Variants in ZMAT5 observed in about 807,000 individuals in gnomAD.
ZMAT5 encodes zinc finger matrin-type 5.
A neutral mutation model predicts 28.0 loss-of-function variants in ZMAT5; 23 were observed. The ratio of observed to expected loss-of-function variants is 0.82; its 90% CI spans 0.59 to 1.16. The LOEUF (loss-of-function observed/expected upper bound fraction) is 1.16. Ranked by LOEUF, ZMAT5 falls within the 50% of genes most tolerant of loss-of-function variation. ZMAT5 has a pLI of 0.00. For synonymous variants in ZMAT5, 76 were observed against 84.1 expected (o/e 0.90, Z 0.52); for missense variants, 173 against 212.7 (o/e 0.81, Z 1.16).
At chr22:29,747,568 C>T (rs990413071) in intron 2 of ZMAT5, 3 of 152,642 alleles carry the variant, frequency 2.0e-5, no homozygotes, top group African/African-American at 4.8e-5. Flanking sequence ...CCCACCCTCG[C>T]CCCACCGCCA....
In ZMAT5 at chr22:29,738,459, C is replaced by T; in HGVS notation, c.272-18G>A. On this transcript the variant is annotated intron_variant, in intron 4 of 5. Transcript: ENST00000344318. ...CCTCTCCTCTGTGGGGACAGGGAGACAAAGGCAAGTGAGGGGTACACTCCT... is the reference window on the plus strand; with the variant it reads ...CCTCTCCTCTGTGGGGACAGGGAGATAAAGGCAAGTGAGGGGTACACTCCT... 2 of 1,603,518 alleles carry T rather than the reference C, an allele frequency of 1.2e-6. No individual in the cohort carries two copies. Among genetic ancestry groups the T allele is most frequent in the Non-Finnish European group, 1.7e-6 (2 of 1,175,570 alleles).
chr22:29,766,676 C>T (rs1030171683), intron 1 of ZMAT5, among the ~76,000 whole-genome samples, 196 bp downstream of exon 1: 5 of 152,220 alleles, frequency 3.3e-5, no homozygotes, highest in African/African-American at 1.2e-4. Flanking sequence ...TCCGTCCCTG[C>T]CCTTAATCCA....
chr22:29,749,518 G>A (rs961032509), intron 1 of ZMAT5, among the ~76,000 whole-genome samples: 5 of 152,040 alleles, frequency 3.3e-5, no homozygotes, highest in Non-Finnish European at 5.9e-5. Context: ...GCAAACTCCC[G>A]CCTCACTTCC....
In ZMAT5 at chr22:29,731,017, A is replaced by AG. The variant is rs1204578854; in HGVS notation, c.*207dup. 3 of 450,434 alleles carry AG rather than the reference A, an allele frequency of 6.7e-6. No individual in the cohort carries two copies. The highest frequency in any genetic ancestry group is 2.0e-5 in the African/African-American group (1 of 49,486). The allele number at this position is 450,434 out of a possible 1,614,324, so 27.9% of individuals were successfully genotyped here. On this transcript the variant is annotated 3_prime_UTR_variant, in exon 6 of 6. Coordinates refer to ENST00000344318, the MANE Select transcript of ZMAT5 (RefSeq NM_001003692.2). ...TTTCTCCCCCATCTTCTTAAGAAGC[A>AG]GGGGGGCAGGTGGAGGAGAGTGAGG... is the stretch of plus-strand genomic sequence containing the variant.
At chr22:29,758,544 G>T (rs1346404285) in intron 1 of ZMAT5, among the ~76,000 whole-genome samples, 3 of 151,820 alleles carry the variant, frequency 2.0e-5, no homozygotes, top group Non-Finnish European at 4.4e-5. Flanking sequence ...GATCGCTTGA[G>T]CCCAGGAGAT....
chr22:29,746,902 G>C (rs1221830278), intron 2 of ZMAT5: 1 of 152,050 alleles, frequency 6.6e-6, no homozygotes, highest in Non-Finnish European at 1.5e-5. Context: ...GTAACACCAG[G>C]GTTAGAGTCT....
At chr22:29,755,968 C>A (rs775444730) in intron 1 of ZMAT5, among the ~76,000 whole-genome samples, 1 of 152,262 alleles carries the variant, frequency 6.6e-6, no homozygotes, top group African/African-American at 2.4e-5. Context: ...GAGGCTGCTA[C>A]AGGGCAAACA....
chr22:29,766,214 G>A (rs955425271), intron 1 of ZMAT5, among the ~76,000 whole-genome samples: 6 of 152,120 alleles, frequency 3.9e-5, no homozygotes, highest in African/African-American at 1.4e-4. Context: ...TGAGCTGACC[G>A]GAGTCAACCT....
intron 2 of ZMAT5, 21 bp downstream of exon 2, chr22:29,748,397 C>A (rs376822838): frequency 7.9e-5 from 127 of 1,613,892 alleles, no homozygotes; most frequent in Non-Finnish European, 1.0e-4. Context: ...AGGAGCCTGG[C>A]CCCCAGCCAG....
chr22:29,734,348 G>T (rs905386678), intron 5 of ZMAT5, among the ~76,000 whole-genome samples: 12 of 152,266 alleles, frequency 7.9e-5, no homozygotes, highest in African/African-American at 2.9e-4. Context: ...GCCAGCGGAG[G>T]TTGGAGCCCG....
intron 1 of ZMAT5, among the ~76,000 whole-genome samples, chr22:29,756,804 T>C (rs904004513): frequency 2.6e-5 from 4 of 151,968 alleles, no homozygotes; most frequent in African/African-American, 4.8e-5. Context: ...TCCCAGCACT[T>C]TGGGAGGCTG....
chr22:29,753,104 G>T (rs771538578), intron 1 of ZMAT5, among the ~76,000 whole-genome samples: 1 of 152,154 alleles, frequency 6.6e-6, no homozygotes, highest in African/African-American at 2.4e-5. Context: ...GCTGTCCGGG[G>T]ACAGAGTTAA....
chr22:29,760,441 A>G (rs131281), intron 1 of ZMAT5, among the ~76,000 whole-genome samples: 62,870 of 150,872 alleles, frequency 0.42, 13,735 homozygotes, highest in East Asian at 0.6. Flanking sequence ...TTACTTGGGA[A>G]GCTGAGGCAC....
intron 1 of ZMAT5, among the ~76,000 whole-genome samples, chr22:29,751,717 A>G (rs772211031): frequency 1.3e-5 from 2 of 152,164 alleles, no homozygotes; most frequent in Non-Finnish European, 2.9e-5. Context: ...CCTTAATCCC[A>G]GCATTTTGGG....
Position 29,748,215 on chromosome 22 carries a change from C to T in ZMAT5, c.127+203G>A, listed in dbSNP as rs867653224. 233 of 688,694 alleles carry T rather than the reference C, an allele frequency of 3.4e-4. 1 individual carries two copies. The Middle Eastern group carries it at 4.5e-3, about 13-fold the overall frequency. 42.7% of individuals were successfully genotyped at this position (688,694 alleles called of 1,614,324 possible). ...CTCCTTCTAGGGCCTTCCTCCTGTC[C>T]ACAGAGCCTTCAGTCAGCGTTGTTG... On this transcript the variant is annotated intron_variant, in intron 2 of 5. Coordinates refer to ENST00000344318, the MANE Select transcript of ZMAT5 (RefSeq NM_001003692.2).
chr22:29,766,888 A>C lies in ZMAT5; in HGVS notation c.-44T>G, dbSNP rs760681203. On this transcript the variant is annotated 5_prime_UTR_variant, in exon 1 of 6. Transcript: ENST00000344318. ...CGTACGCACAGAGAAGGAAGTGTTC[A>C]AGTCTTCCAGTGCGGAGAAAAGAGA... is the stretch of plus-strand genomic sequence containing the variant. 1 of 154,238 alleles carries C rather than the reference A, an allele frequency of 6.5e-6. No homozygotes were observed. The highest frequency in any genetic ancestry group is 1.5e-5 in the Non-Finnish European group (1 of 68,902). 9.6% of individuals were successfully genotyped at this position (154,238 alleles called of 1,614,324 possible). A position where few individuals can be genotyped will look rare whatever the true frequency, so the allele number is the denominator to read the frequency against.
At chr22:29,763,607 AAATAATAAT>A (rs936861135) in intron 1 of ZMAT5, among the ~76,000 whole-genome samples, 8 of 151,104 alleles carry the variant, frequency 5.3e-5, no homozygotes, top group African/African-American at 1.9e-4. Flanking sequence ...GTCTCAAACA[AAATAATAAT>A]AATAATAATA....
intron 1 of ZMAT5, among the ~76,000 whole-genome samples, chr22:29,754,405 C>T (rs1294089707): frequency 6.6e-6 from 1 of 152,184 alleles, no homozygotes; most frequent in Admixed American, 6.5e-5. Context: ...CAAGGGGCAG[C>T]GGGCAAGGCT....
At chr22:29,763,660 T>C (rs1234860137) in intron 1 of ZMAT5, among the ~76,000 whole-genome samples, 2 of 151,330 alleles carry the variant, frequency 1.3e-5, no homozygotes, top group Non-Finnish European at 2.9e-5. Flanking sequence ...AGATGGCTCA[T>C]GTCTGTAATC....
Sources: gnomAD v4.1 joint callset for allele counts (sites outside exome capture counted in the v4.1 genomes callset) on GRCh38, gnomAD v4.1.1 for gene constraint, MANE v1.5 for transcripts, NCBI Gene and HGNC (gene_info 2026-07-23, HGNC 2026-07-21) for gene names.